Variants in UBQLN1 observed in about 807,000 individuals in gnomAD.
The protein encoded by UBQLN1 is ubiquilin-1.
Under a neutral mutation model 65.4 loss-of-function variants are expected in UBQLN1, and 13 were observed. The ratio of observed to expected loss-of-function variants is 0.20; its 90% CI spans 0.13 to 0.32. The LOEUF (loss-of-function observed/expected upper bound fraction) is 0.32, where lower values mean the gene tolerates loss of function less well. UBQLN1 is among the 10% of genes least tolerant of loss of function. UBQLN1 has a pLI of 1.00. For synonymous variants in UBQLN1, 267 were observed against 247.8 expected, an observed-to-expected ratio of 1.08 and a Z score of -0.73; for missense variants, 561 against 724.0, an observed-to-expected ratio of 0.77 and a Z score of 2.58.
chr9:83,663,877 G>A lies in UBQLN1; in HGVS notation c.1615C>T (p.Gln539Ter). The A allele has an allele frequency of 6.2e-7, 1 of 1,612,526 alleles. No homozygotes were observed. The highest frequency in any genetic ancestry group is 8.5e-7 in the Non-Finnish European group (1 of 1,179,448). The change falls in exon 10 of 11, where the codon CAG becomes TAG. Residue 539 changes from glutamine (Q) to a stop codon, truncating the protein, a stop_gained and splice_region_variant. Transcript: ENST00000376395. LOFTEE classifies it high-confidence loss of function. ...CTTGAATGGAAAAGAACTGATACCT[G>A]AGGATTTACTCCAGCAAGAGCCTGC... ...MLQALAGVNP[Q>*]LQNPEVRFQQ...
At chr9:83,694,699 T>C (rs929187315) in intron 1 of UBQLN1, among the ~76,000 whole-genome samples, 1 of 152,168 alleles carries the variant, frequency 6.6e-6, no homozygotes, top group Non-Finnish European at 1.5e-5. Flanking sequence ...CTTCCTTCTA[T>C]TGCAAAAACT....
intron 1 of UBQLN1, among the ~76,000 whole-genome samples, chr9:83,701,206 T>C (rs1218270779): frequency 6.6e-6 from 1 of 152,062 alleles, no homozygotes; most frequent in Non-Finnish European, 1.5e-5. Context: ...AATAAATTCA[T>C]TTAAAAATAA....
At chr9:83,703,200 C>G (rs1832340094) in intron 1 of UBQLN1, among the ~76,000 whole-genome samples, 1 of 151,392 alleles carries the variant, frequency 6.6e-6, no homozygotes, top group African/African-American at 2.4e-5. Flanking sequence ...CTTTGTGCCA[C>G]TACACATTTA....
intron 1 of UBQLN1, among the ~76,000 whole-genome samples, chr9:83,702,309 G>A (rs952106766): frequency 6.6e-6 from 1 of 151,934 alleles, no homozygotes; most frequent in African/African-American, 2.4e-5. Context: ...CTTCAATTAC[G>A]CTCTTTCTTA....
intron 1 of UBQLN1, among the ~76,000 whole-genome samples, chr9:83,691,351 G>C (rs147243490): frequency 3.9e-5 from 6 of 152,014 alleles, no homozygotes; most frequent in African/African-American, 1.2e-4. Context: ...CATTAACATC[G>C]TATGTGGCAG....
At position 83,660,227 on chromosome 9, in the gene UBQLN1, C is replaced by T. The variant is rs1490085470; in HGVS notation, c.*1560G>A. On this transcript the variant is annotated 3_prime_UTR_variant, in exon 11 of 11. Coordinates refer to ENST00000376395, the MANE Select transcript of UBQLN1 (RefSeq NM_013438.5). ...CAAGGACTGGTGGGTAACCTGGCCTCTTAACCTTTTTAATAGCAAGCAACA... is the reference window on the plus strand; with the variant it reads ...CAAGGACTGGTGGGTAACCTGGCCTTTTAACCTTTTTAATAGCAAGCAACA... The T allele has an allele frequency of 1.3e-5, 2 of 152,622 alleles. No homozygotes were observed. Among genetic ancestry groups the T allele is most frequent in the Non-Finnish European group, 2.9e-5 (2 of 68,022 alleles). The allele number at this position is 152,622 out of a possible 1,614,324, so 9.5% of individuals were successfully genotyped here.
Position 83,665,121 on chromosome 9 carries a change from C to G in UBQLN1, c.1357G>C (p.Ala453Pro), listed in dbSNP as rs1335286770. The G allele has an allele frequency of 6.2e-7, 1 of 1,613,148 alleles. No individual in the cohort carries two copies. Among genetic ancestry groups the G allele is most frequent in the Non-Finnish European group, 8.5e-7 (1 of 1,179,672 alleles). ...QQMQNPDTLS[A>P]MSNPRAMQAL... ...TGCATTGCTCTAGGGTTTGACATTG[C>G]TGATAGTGTATCAGGATTCTGCATC... The change falls in exon 9 of 11, where the codon GCA becomes CCA. Residue 453 changes from alanine to proline, a missense_variant. This residue lies in a region of UBQLN1 where 102 missense variants were observed against 150.7 expected (regional missense o/e 0.68). Coordinates refer to ENST00000376395, the MANE Select transcript of UBQLN1 (RefSeq NM_013438.5).
chr9:83,667,570 C>G, intron 7 of UBQLN1: 2 of 985,418 alleles, frequency 2.0e-6, no homozygotes, highest in Non-Finnish European at 2.4e-6. Flanking sequence ...TAAACTCATA[C>G]AGGCTTAAGG....
rs374356815 is a variant in UBQLN1, at chr9:83,677,894, C to T, written c.938G>A (p.Arg313His). The T allele has an allele frequency of 9.3e-6, 15 of 1,613,992 alleles. No homozygotes were observed. The highest frequency in any genetic ancestry group is 1.3e-5 in the Non-Finnish European group (15 of 1,180,026). Residue 313 changes from arginine to histidine, a missense_variant, in exon 6 of 11, where the codon CGT (arginine) becomes CAT (histidine). Around this residue, in one of 8 missense-constraint regions of UBQLN1, gnomAD observed 89 missense variants for 77.8 expected, o/e 1.14. Coordinates refer to ENST00000376395, the MANE Select transcript of UBQLN1 (RefSeq NM_013438.5). The stretch of plus-strand genomic sequence containing the variant: ...GGGTAGTGGATCTCTATTTTCTGTA[C>T]GGGAAGGTTGACTACCTTCACCAGA... ...TSSGEGSQPS[R>H]TENRDPLPNP...
intron 3 of UBQLN1, among the ~76,000 whole-genome samples, chr9:83,681,682 C>T (rs933887863): frequency 1.3e-5 from 2 of 152,232 alleles, no homozygotes; most frequent in Non-Finnish European, 2.9e-5. Context: ...TGACTAACTA[C>T]AGTAGCAGAT....
intron 1 of UBQLN1, among the ~76,000 whole-genome samples, chr9:83,694,314 A>G (rs1832174293): frequency 6.6e-6 from 1 of 152,220 alleles, no homozygotes; most frequent in East Asian, 1.9e-4. Context: ...TCAGTATTTT[A>G]AGGCAGAGAT....
intron 1 of UBQLN1, among the ~76,000 whole-genome samples, chr9:83,687,032 C>A (rs1832052316): frequency 6.6e-6 from 1 of 151,980 alleles, no homozygotes; most frequent in East Asian, 1.9e-4. Flanking sequence ...TACTGACCAT[C>A]CTTCCCACTT....
At chr9:83,688,756 G>A (rs1024129958) in intron 1 of UBQLN1, among the ~76,000 whole-genome samples, 1 of 151,968 alleles carries the variant, frequency 6.6e-6, no homozygotes, top group Non-Finnish European at 1.5e-5. Flanking sequence ...AGCTACTCAG[G>A]AGGCTGAGGC....
intron 7 of UBQLN1, chr9:83,668,235 A>G: frequency 4.1e-6 from 4 of 985,062 alleles, no homozygotes; most frequent in Non-Finnish European, 4.8e-6. Context: ...ATAAGTTATT[A>G]CTGAGAATTA....
intron 1 of UBQLN1, among the ~76,000 whole-genome samples, chr9:83,691,187 C>T (rs1015494007): frequency 4.7e-5 from 6 of 128,224 alleles, no homozygotes; most frequent in South Asian, 2.5e-4. Context: ...TATATATATA[C>T]ACATATAATA....
chr9:83,680,118 A>G (rs943012588), intron 3 of UBQLN1, 81 bp from the exon 4 acceptor site: 1 of 1,419,820 alleles, frequency 7.0e-7, no homozygotes, highest in African/African-American at 1.4e-5. Context: ...GAAGATGCAA[A>G]AAAGTATTAG....
chr9:83,702,780 T>C (rs1243778938), intron 1 of UBQLN1, among the ~76,000 whole-genome samples: 1 of 152,016 alleles, frequency 6.6e-6, no homozygotes, highest in Non-Finnish European at 1.5e-5. Flanking sequence ...CACTATACAG[T>C]ATAACGTTAA....
intron 7 of UBQLN1, chr9:83,668,024 T>C: frequency 2.0e-6 from 2 of 985,434 alleles, no homozygotes; most frequent in Non-Finnish European, 2.4e-6. Context: ...AAAAGCAAGA[T>C]GCACATTCAG....
At chr9:83,693,170 C>T (rs1832156432) in intron 1 of UBQLN1, among the ~76,000 whole-genome samples, 1 of 152,176 alleles carries the variant, frequency 6.6e-6, no homozygotes, top group Non-Finnish European at 1.5e-5. Flanking sequence ...AATTCTAATG[C>T]ACCTTGAATA....
Sources: allele counts gnomAD v4.1 joint callset (sites outside exome capture counted in the v4.1 genomes callset), GRCh38; gene constraint gnomAD v4.1.1; regional missense constraint gnomAD v4.1.1; transcripts MANE v1.5; gene names NCBI Gene and HGNC (gene_info 2026-07-23, HGNC 2026-07-21).